Variants in SPATA22 observed in about 807,000 individuals in gnomAD.
SPATA22 encodes spermatogenesis associated 22.
In SPATA22, 29 loss-of-function variants were observed where a neutral mutation model predicts 47.8. The ratio of observed to expected loss-of-function variants is 0.61; its 90% CI spans 0.45 to 0.83. The LOEUF is 0.83. Ranked by LOEUF, SPATA22 falls within the 40% of genes least tolerant of loss-of-function variation. The probability of loss-of-function intolerance (pLI) is 0.00; values close to 1 mark genes in which losing one functional copy is unlikely to be tolerated. For synonymous variants in SPATA22, 133 were observed against 140.9 expected, an observed-to-expected ratio of 0.94 and a Z score of 0.40; for missense variants, 410 against 421.7, an observed-to-expected ratio of 0.97 and a Z score of 0.24.
intron 3 of SPATA22, among the ~76,000 whole-genome samples, chr17:3,466,976 A>T (rs1030117069): frequency 9.9e-5 from 15 of 152,212 alleles, no homozygotes; most frequent in African/African-American, 3.6e-4. Flanking sequence ...AGAGAAAAAG[A>T]CTACGGCCAG....
In SPATA22 at chr17:3,462,691, A is replaced by T; in HGVS notation, c.233+16T>A. 7 of 1,607,822 alleles carry T rather than the reference A, an allele frequency of 4.4e-6. No homozygotes were observed. The highest frequency in any genetic ancestry group is 6.0e-6 in the Non-Finnish European group (7 of 1,174,286). On this transcript the variant is annotated intron_variant, in intron 4 of 8. Transcript: ENST00000572969. ...GTAACAGACACACATCCAATGGTTT[A>T]TATTTCTCCACATACCCGGTGTCCA...
In SPATA22 at chr17:3,490,470, C is replaced by T. The variant is rs1265179023; in HGVS notation, c.-73-21072G>A. Among the ~76,000 whole-genome samples the T allele has an allele frequency of 1.3e-5, 2 of 152,062 alleles. No homozygotes were observed. Among genetic ancestry groups the T allele is most frequent in the South Asian group, 2.1e-4 (1 of 4,818 alleles). ...GTTGAAATTGTTGTTGAGGAATGGG[C>T]AATTATAATAACAGAGGGGGTGTGT... is the stretch of plus-strand genomic sequence containing the variant. On this transcript the variant is annotated intron_variant, in intron 1 of 8. Transcript: ENST00000541913. This position sits in a 1 kb window ranked among gnomAD's most constrained non-coding sequence, Gnocchi z 4.6.
intron 2 of SPATA22, chr17:3,468,133 T>C (rs1007095399): frequency 1.3e-5 from 2 of 152,358 alleles, no homozygotes; most frequent in African/African-American, 4.8e-5. Flanking sequence ...TGTAATTATA[T>C]ATTTTGTGGA....
chr17:3,471,711 C>T lies in SPATA22; in HGVS notation c.-103G>A, dbSNP rs2073440983. On this transcript the variant is annotated 5_prime_UTR_variant, in exon 1 of 9. Transcript: ENST00000572969. ...TTTCCCTTCTAGGCCCTCCTGCCAACACGACACACAACTTTCGCCCTCAGT... is the reference window on the plus strand; with the variant it reads ...TTTCCCTTCTAGGCCCTCCTGCCAATACGACACACAACTTTCGCCCTCAGT... 4 of 985,558 alleles carry T rather than the reference C, an allele frequency of 4.1e-6. No homozygotes were observed. The South Asian group carries it at 1.9e-4, about 46-fold the overall frequency. The allele number at this position is 985,558 out of a possible 1,614,324, so 61.1% of individuals were successfully genotyped here. A position where few individuals can be genotyped will look rare whatever the true frequency, so the allele number is the denominator to read the frequency against.
At chr17:3,457,357 G>T (rs540059301) in intron 5 of SPATA22, among the ~76,000 whole-genome samples, 21 of 152,058 alleles carry the variant, frequency 1.4e-4, no homozygotes, top group African/African-American at 3.9e-4. Flanking sequence ...AAAGTCTCAG[G>T]ATACAAAATC....
intron 1 of SPATA22, among the ~76,000 whole-genome samples, chr17:3,489,765 GTGAACATATAA>G (rs2073791331): frequency 6.6e-6 from 1 of 152,178 alleles, no homozygotes; most frequent in Admixed American, 6.6e-5. Flanking sequence ...GAACATATAA[GTGAACATATAA>G]GTTGGTAAAG....
chr17:3,453,562 GT>G (rs1188685413), intron 5 of SPATA22, among the ~76,000 whole-genome samples: 4 of 151,940 alleles, frequency 2.6e-5, no homozygotes, highest in African/African-American at 9.7e-5. Flanking sequence ...AAAACTGAAA[GT>G]TTTTTTTCAA....
At chr17:3,479,782 A>C (rs1383154948) in intron 1 of SPATA22, among the ~76,000 whole-genome samples, 1 of 152,200 alleles carries the variant, frequency 6.6e-6, no homozygotes, top group Non-Finnish European at 1.5e-5. Context: ...CCCATTGTAC[A>C]CAGTAGGTCC....
rs1229667820 is a variant in SPATA22, at chr17:3,488,813, G to A, written c.-73-19415C>T. Among the ~76,000 whole-genome samples, 1 of 152,110 alleles carries A rather than the reference G, an allele frequency of 6.6e-6. No individual in the cohort carries two copies. The highest frequency in any genetic ancestry group is 2.4e-5 in the African/African-American group (1 of 41,426). ...GATTTCTGTGAAATCTATAAAAATA[G>A]ATGTCCTTCCTCCCGTCACAGCTAA... On this transcript the variant is annotated intron_variant, in intron 1 of 8. Coordinates refer to the SPATA22 transcript ENST00000541913. This position sits in a 1 kb window ranked among gnomAD's most constrained non-coding sequence, Gnocchi z 6.1.
intron 1 of SPATA22, among the ~76,000 whole-genome samples, chr17:3,509,524 C>T (rs1316899985): frequency 4.6e-5 from 7 of 152,156 alleles, no homozygotes; most frequent in African/African-American, 7.2e-5. Context: ...TATAGTATTC[C>T]GTGGTGTAGA....
Position 3,483,639 on chromosome 17 carries a change from C to G in SPATA22, c.-73-14241G>C, listed in dbSNP as rs73307208. The G allele has an allele frequency of 1.4e-3, 2,026 of 1,496,938 alleles. 30 individuals carry two copies. In the African/African-American group the frequency reaches 0.024, roughly 18 times the overall value. 92.7% of individuals were successfully genotyped at this position (1,496,938 alleles called of 1,614,324 possible). A position where few individuals can be genotyped will look rare whatever the true frequency, so the allele number is the denominator to read the frequency against. On this transcript the variant is annotated intron_variant, in intron 1 of 8. Coordinates refer to the SPATA22 transcript ENST00000541913. Reference sequence around the variant, plus strand: ...CATAACTCAATAAAATATGTCCTAGCTGAAACTCAGAGAAATTTATTTTTT... The same window carrying G: ...CATAACTCAATAAAATATGTCCTAGGTGAAACTCAGAGAAATTTATTTTTT...
upstream of SPATA22, among the ~76,000 whole-genome samples, chr17:3,474,909 T>C (rs1244422641): frequency 1.3e-5 from 2 of 152,216 alleles, no homozygotes; most frequent in Non-Finnish European, 2.9e-5. Context: ...GCCTAGGTTC[T>C]CCTACATCCC....
chr17:3,478,522 T>C (rs2073571170), intron 1 of SPATA22, among the ~76,000 whole-genome samples: 1 of 152,224 alleles, frequency 6.6e-6, no homozygotes, highest in East Asian at 1.9e-4. Context: ...AACTAACTTC[T>C]ATATTACAAG....
intron 5 of SPATA22, among the ~76,000 whole-genome samples, chr17:3,458,693 T>C (rs2073050577): frequency 6.6e-6 from 1 of 151,414 alleles, no homozygotes; most frequent in Non-Finnish European, 1.5e-5. Flanking sequence ...AATACGAAAT[T>C]AGCCAGGCAT....
intron 1 of SPATA22, among the ~76,000 whole-genome samples, chr17:3,494,870 G>A (rs930217990): frequency 1.3e-5 from 2 of 152,128 alleles, no homozygotes; most frequent in Non-Finnish European, 2.9e-5. Context: ...GGAAATACAG[G>A]GACGGAAGTT....
rs1180712473 is a variant in SPATA22, at chr17:3,490,346, A to G, written c.-73-20948T>C. On this transcript the variant is annotated intron_variant, in intron 1 of 8. Coordinates refer to the SPATA22 transcript ENST00000541913. This position sits in a 1 kb window ranked among gnomAD's most constrained non-coding sequence, Gnocchi z 4.6. ...ATTTGGTAAATCTAAAACTGCACTA[A>G]AAAGTCTATTAGTTATAAAAAAAGT... Among the ~76,000 whole-genome samples, 3 of 152,220 alleles carry G rather than the reference A, an allele frequency of 2.0e-5. No individual in the cohort carries two copies. The highest frequency in any genetic ancestry group is 2.9e-5 in the Non-Finnish European group (2 of 68,034).
At chr17:3,500,949 G>A (rs2073982561) in intron 1 of SPATA22, 1 of 62,208 alleles carries the variant, frequency 1.6e-5, no homozygotes, top group Non-Finnish European at 5.4e-5. Flanking sequence ...CTACTGCTTG[G>A]GAAAAAAAAA....
At chr17:3,444,096 G>GT (rs539496685) in intron 7 of SPATA22, among the ~76,000 whole-genome samples, 73 of 151,896 alleles carry the variant, frequency 4.8e-4, no homozygotes, top group Non-Finnish European at 9.0e-4. Flanking sequence ...AACGCAAATT[G>GT]TAATTCATGT....
intron 1 of SPATA22, chr17:3,498,967 G>T: frequency 6.2e-7 from 1 of 1,614,088 alleles, no homozygotes. Flanking sequence ...CCACTGGGCG[G>T]AGACTGTACC....
Sources: gnomAD v4.1 joint callset for allele counts (sites outside exome capture counted in the v4.1 genomes callset) on GRCh38, gnomAD v4.1.1 for gene constraint, Gnocchi (gnomAD v3.1) non-coding constraint, MANE v1.5 for transcripts, NCBI Gene and HGNC (gene_info 2026-07-23, HGNC 2026-07-21) for gene names.